The following CELF4 variants were observed in gnomAD, a reference collection of about 807,000 sequenced individuals.
CELF4 encodes CUGBP Elav-like family member 4.
A neutral mutation model predicts 59.9 loss-of-function variants in CELF4; 18 were observed. The observed-to-expected ratio is 0.30, with a 90% CI of 0.21 to 0.45. CELF4 has a LOEUF of 0.45. CELF4 is among the 20% of genes least tolerant of loss of function. The pLI is 1.00. For missense variants in CELF4, 456 were observed against 689.0 expected (o/e 0.66, Z 3.79); for synonymous variants, 261 against 267.1 (o/e 0.98, Z 0.22).
rs1331887790 is a variant in CELF4, at chr18:37,274,448, A to C, written c.664T>G (p.Ser222Ala). 6.2e-7 allele frequency: 1 copy of C among 1,612,760 alleles called. No individual in the cohort carries two copies. Among genetic ancestry groups the C allele is most frequent in the East Asian group, 2.2e-5 (1 of 44,830 alleles). ...LHGSQTMPGA[S>A]SSLVVKFADT... Reference sequence around the variant, plus strand: ...GCGAACTTGACCACCAGACTGGACGAGGCTCCCTGCGGCCGGGGCGGCGCG... The same window carrying C: ...GCGAACTTGACCACCAGACTGGACGCGGCTCCCTGCGGCCGGGGCGGCGCG... Residue 222 changes from serine to alanine, a missense_variant, in exon 6 of 13, where the codon TCG becomes GCG. By Grantham distance (99) the Ser-to-Ala change is moderately conservative (BLOSUM62 1). This residue lies in a region of CELF4 where 56 missense variants were observed against 92.0 expected (regional missense o/e 0.61). Coordinates refer to ENST00000420428, the MANE Select transcript of CELF4 (RefSeq NM_020180.4).
intron 3 of CELF4, among the ~76,000 whole-genome samples, chr18:37,277,768 C>A (rs1488423816): frequency 6.6e-6 from 1 of 152,240 alleles, no homozygotes; most frequent in African/African-American, 2.4e-5. Flanking sequence ...TTCTCCCTAC[C>A]TCCCCCTCAA....
chr18:37,332,236 A>G (rs1169410213), intron 2 of CELF4, among the ~76,000 whole-genome samples: 3 of 151,616 alleles, frequency 2.0e-5, no homozygotes, highest in African/African-American at 7.3e-5. Flanking sequence ...ATGACCCCTC[A>G]CTCCAGTCCA....
intron 1 of CELF4, among the ~76,000 whole-genome samples, chr18:37,510,119 C>A (rs1409082278): frequency 1.3e-5 from 2 of 152,088 alleles, no homozygotes; most frequent in African/African-American, 2.4e-5. Context: ...GTACTAAATG[C>A]CACTGAATTG....
chr18:37,438,361 G>A (rs976905824), intron 2 of CELF4, among the ~76,000 whole-genome samples: 29 of 152,306 alleles, frequency 1.9e-4, no homozygotes, highest in African/African-American at 7.0e-4. Flanking sequence ...GGCTTGGCAA[G>A]GCAGGATGAA....
chr18:37,412,496 AGATG>A lies in CELF4; in HGVS notation c.369+73025_369+73028del, dbSNP rs907169686. On this transcript the variant is annotated intron_variant, in intron 2 of 12. Coordinates refer to ENST00000420428, the MANE Select transcript of CELF4 (RefSeq NM_020180.4). ...CAGATGGATGCATGCATGGGTGGAT[AGATG>A]GATGGATGGATGGATGCATGCATGC... Among the ~76,000 whole-genome samples, 8 of 151,942 alleles carry A rather than the reference AGATG, an allele frequency of 5.3e-5. No individual in the cohort carries two copies. In the East Asian group the frequency reaches 1.2e-3, roughly 22 times the overall value.
In CELF4 at chr18:37,243,185, TC is replaced by T. The variant is rs374607852; in HGVS notation, c.*2056del. On this transcript the variant is annotated 3_prime_UTR_variant, in exon 13 of 13. Transcript: ENST00000420428. The stretch of plus-strand genomic sequence containing the variant: ...CTGTTTTCTTTTTTTTTTCTTTTTT[TC>T]TTTTTTTTTTTTTTTTTTTTACATC... 2.8e-5 allele frequency: 4 copies of T among 142,226 alleles called. No homozygotes were observed. Among genetic ancestry groups the T allele is most frequent in the Admixed American group, 6.8e-5 (1 of 14,634 alleles). 8.8% of individuals were successfully genotyped at this position (142,226 alleles called of 1,614,324 possible).
intron 2 of CELF4, among the ~76,000 whole-genome samples, chr18:37,341,329 A>C (rs749887751): frequency 1.1e-4 from 17 of 152,212 alleles, no homozygotes; most frequent in Non-Finnish European, 2.2e-4. Context: ...CTAGCTCAGC[A>C]TGCGATGTGC....
chr18:37,450,261 G>T (rs2099759490), intron 2 of CELF4, among the ~76,000 whole-genome samples: 1 of 152,062 alleles, frequency 6.6e-6, no homozygotes, highest in Non-Finnish European at 1.5e-5. Flanking sequence ...AGTGTTGGGA[G>T]GAAGAAGCAG....
intron 2 of CELF4, among the ~76,000 whole-genome samples, chr18:37,373,781 T>C (rs2098932151): frequency 6.6e-6 from 1 of 152,076 alleles, no homozygotes; most frequent in Admixed American, 6.5e-5. Flanking sequence ...ATGCCAGCAA[T>C]GTGCAGAGGA....
At chr18:37,366,194 C>T (rs370525432) in intron 2 of CELF4, among the ~76,000 whole-genome samples, 1 of 152,112 alleles carries the variant, frequency 6.6e-6, no homozygotes, top group Admixed American at 6.5e-5. Flanking sequence ...AACCAGATCT[C>T]GAGGCACTCA....
At chr18:37,341,155 G>A (rs2098010338) in intron 2 of CELF4, among the ~76,000 whole-genome samples, 1 of 152,218 alleles carries the variant, frequency 6.6e-6, no homozygotes, top group African/African-American at 2.4e-5. Context: ...ACCATGTGCA[G>A]GAAATGGATT....
At chr18:37,360,102 C>T (rs1231995852) in intron 2 of CELF4, among the ~76,000 whole-genome samples, 7 of 152,266 alleles carry the variant, frequency 4.6e-5, no homozygotes, top group African/African-American at 7.2e-5. Context: ...ATCCACCCGC[C>T]TCGGCCTCCC....
At chr18:37,274,752 G>A (rs918295372) in intron 5 of CELF4, 53 bp downstream of exon 5, 207 of 1,521,104 alleles carry the variant, frequency 1.4e-4, no homozygotes, top group Non-Finnish European at 1.8e-4. Context: ...GGCGGGTGCT[G>A]GGGTCTCGGC....
At chr18:37,302,146 C>A (rs2096087169) in intron 3 of CELF4, among the ~76,000 whole-genome samples, 1 of 152,226 alleles carries the variant, frequency 6.6e-6, no homozygotes. Context: ...CAAGAATACA[C>A]TGGAAGAACT....
rs576245542 is a variant in CELF4 at position 37,450,817 on chromosome 18, A to C, written c.369+34708T>G. Among the ~76,000 whole-genome samples, 10 of 152,130 alleles carry C rather than the reference A, an allele frequency of 6.6e-5. No homozygotes were observed. In the South Asian group the frequency reaches 2.1e-3, roughly 32 times the overall value. Reference sequence around the variant, plus strand: ...CTTGGGACGTTCCTGGGTCCAGCATAACAATGCACAGGCTCCTAGCAAGGG... The same window carrying C: ...CTTGGGACGTTCCTGGGTCCAGCATCACAATGCACAGGCTCCTAGCAAGGG... On this transcript the variant is annotated intron_variant, in intron 2 of 12. Transcript: ENST00000420428.
intron 1 of CELF4, among the ~76,000 whole-genome samples, chr18:37,509,323 C>T (rs762178295): frequency 1.4e-4 from 21 of 152,240 alleles, no homozygotes; most frequent in Non-Finnish European, 2.4e-4. Context: ...GAAGCTAGGA[C>T]ATCCAGGCAC....
At chr18:37,476,180 G>A (rs1243745562) in intron 2 of CELF4, among the ~76,000 whole-genome samples, 1 of 152,222 alleles carries the variant, frequency 6.6e-6, no homozygotes, top group Non-Finnish European at 1.5e-5. Context: ...ATAGAAATTA[G>A]GGAACTCAGA....
At chr18:37,439,803 G>C (rs937319543) in intron 2 of CELF4, among the ~76,000 whole-genome samples, 2 of 152,156 alleles carry the variant, frequency 1.3e-5, no homozygotes, top group African/African-American at 4.8e-5. Flanking sequence ...GGGTGGGCAG[G>C]GGCTAGTGTA....
chr18:37,263,246 G>A (rs1277540954), intron 10 of CELF4, among the ~76,000 whole-genome samples: 1 of 152,148 alleles, frequency 6.6e-6, no homozygotes, highest in Non-Finnish European at 1.5e-5. Flanking sequence ...CACCCAAAAG[G>A]GTTTTCTCTG....
Sources: allele counts gnomAD v4.1 joint callset (sites outside exome capture counted in the v4.1 genomes callset), GRCh38; gene constraint gnomAD v4.1.1; regional missense constraint gnomAD v4.1.1; transcripts MANE v1.5; gene names NCBI Gene and HGNC (gene_info 2026-07-23, HGNC 2026-07-21).